The following KIF21A variants were observed in gnomAD, a reference collection of about 807,000 sequenced individuals.
KIF21A encodes the protein kinesin family member 21A, also known as kinesin-like protein KIF21A.
A neutral mutation model predicts 202.9 loss-of-function variants in KIF21A; 114 were observed. The ratio of observed to expected loss-of-function variants is 0.56; its 90% CI spans 0.48 to 0.66. The LOEUF (loss-of-function observed/expected upper bound fraction) is 0.66, where lower values mean the gene tolerates loss of function less well. KIF21A is among the 30% of genes least tolerant of loss of function. KIF21A has a pLI of 0.00. For missense variants in KIF21A, 1,677 were observed against 1,994.9 expected, an observed-to-expected ratio of 0.84 and a Z score of 3.04; for synonymous variants, 667 against 670.8, an observed-to-expected ratio of 0.99 and a Z score of 0.09.
chr12:39,438,206 C>A (rs1401793611), intron 1 of KIF21A, among the ~76,000 whole-genome samples: 7 of 152,014 alleles, frequency 4.6e-5, no homozygotes, highest in Non-Finnish European at 1.0e-4. Flanking sequence ...TGTATTATAA[C>A]CAGAATGGGA....
At chr12:39,310,704 A>G (rs1159086031) in intron 32 of KIF21A, among the ~76,000 whole-genome samples, 1 of 151,856 alleles carries the variant, frequency 6.6e-6, no homozygotes, top group East Asian at 1.9e-4. Flanking sequence ...TTCCTAAATG[A>G]CTCCTTGTCA....
In KIF21A at chr12:39,357,234, C is replaced by G; in HGVS notation, c.1405+14G>C. ...AGAAGTTAATCCCTCACTTATCCCA[C>G]CCTACCCACATACCTGCTCTGGCAA... On this transcript the variant is annotated intron_variant, in intron 9 of 37. Coordinates refer to ENST00000361418, the MANE Select transcript of KIF21A (RefSeq NM_001173464.2). 1 of 1,613,312 alleles carries G rather than the reference C, an allele frequency of 6.2e-7. No individual in the cohort carries two copies. Among genetic ancestry groups the G allele is most frequent in the Middle Eastern group, 1.7e-4 (1 of 6,060 alleles).
At chr12:39,333,324 T>G (rs765450513) in intron 17 of KIF21A, 44 bp from the exon 18 acceptor site, 1 of 1,320,952 alleles carries the variant, frequency 7.6e-7, no homozygotes, top group South Asian at 1.2e-5. Context: ...AAGTGAAAGA[T>G]ACAATATTTC....
At chr12:39,333,779 A>T (rs1946709882) in intron 17 of KIF21A, among the ~76,000 whole-genome samples, 1 of 152,156 alleles carries the variant, frequency 6.6e-6, no homozygotes, top group Non-Finnish European at 1.5e-5. Context: ...GGATAAAGTA[A>T]ATGGACAATA....
At chr12:39,297,369 A>C (rs994578885) in intron 37 of KIF21A, among the ~76,000 whole-genome samples, 3 of 152,174 alleles carry the variant, frequency 2.0e-5, no homozygotes, top group African/African-American at 7.2e-5. Context: ...TGGATTAAGA[A>C]AATGTCGCAC....
In KIF21A at chr12:39,319,950, C is replaced by G; in HGVS notation, c.3735G>C (p.Lys1245Asn). The change falls in exon 28 of 38, where the codon AAG becomes AAC. Residue 1245 changes from lysine to asparagine, a missense_variant. Lys to Asn is a moderately conservative substitution (Grantham distance 94). Around this residue, in one of 3 missense-constraint regions of KIF21A, gnomAD observed 705 missense variants for 791.9 expected, o/e 0.89. Coordinates refer to ENST00000361418, the MANE Select transcript of KIF21A (RefSeq NM_001173464.2). ...TTGATTTTTCTGCTTTCTCATATGC[C>G]TTTCTCCTTGTTACAGGAGAAGGCT... ...IPEPSPVTRR[K>N]AYEKAEKSKA... 1 of 1,609,524 alleles carries G rather than the reference C, an allele frequency of 6.2e-7. No homozygotes were observed. The highest frequency in any genetic ancestry group is 8.5e-7 in the Non-Finnish European group (1 of 1,177,114).
Position 39,424,788 on chromosome 12 carries a change from C to T in KIF21A, c.44+18139G>A, listed in dbSNP as rs189533066. On this transcript the variant is annotated intron_variant, in intron 1 of 37. Coordinates refer to ENST00000361418, the MANE Select transcript of KIF21A (RefSeq NM_001173464.2). ...ACATAATAACTGCTTTCTCACTCATCTCCTACATTTTCACCTCTTATAATA... is the reference window on the plus strand; with the variant it reads ...ACATAATAACTGCTTTCTCACTCATTTCCTACATTTTCACCTCTTATAATA... Among the ~76,000 whole-genome samples the T allele has an allele frequency of 9.2e-5, 14 of 152,276 alleles. No homozygotes were observed. In the East Asian group the frequency reaches 2.3e-3, roughly 25 times the overall value.
chr12:39,321,821 C>A (rs1282563744), intron 27 of KIF21A: 1 of 152,142 alleles, frequency 6.6e-6, no homozygotes, highest in Non-Finnish European at 1.5e-5. Context: ...CATAAATTAT[C>A]TGCTAGATCA....
chr12:39,387,553 T>C (rs1013517805), intron 1 of KIF21A, among the ~76,000 whole-genome samples: 5 of 152,228 alleles, frequency 3.3e-5, no homozygotes, highest in African/African-American at 1.2e-4. Context: ...CTAGGTTTCC[T>C]ATCTTCCCCT....
intron 6 of KIF21A, among the ~76,000 whole-genome samples, chr12:39,364,938 G>A (rs1949497851): frequency 6.6e-6 from 1 of 152,150 alleles, no homozygotes; most frequent in Admixed American, 6.5e-5. Context: ...TAGAGACCAC[G>A]AGATTCCCAG....
rs1440604335 is a variant in KIF21A, at chr12:39,311,724, A to G, written c.3960-171T>C. 6.0e-6 allele frequency: 4 copies of G among 661,990 alleles called. No individual in the cohort carries two copies. The African/African-American group carries it at 7.2e-5, about 12-fold the overall frequency. 41.0% of individuals were successfully genotyped at this position (661,990 alleles called of 1,614,324 possible). On this transcript the variant is annotated intron_variant, in intron 31 of 37. Transcript: ENST00000361418. ...AAAGGACAAAGTGTGAAATAATAAT[A>G]GTGATGGAGTATATCAACTAATCAG...
chr12:39,314,747 G>C (rs1944354572), intron 31 of KIF21A, among the ~76,000 whole-genome samples: 2 of 151,752 alleles, frequency 1.3e-5, no homozygotes, highest in Non-Finnish European at 3.0e-5. Context: ...ATTCTGTCAT[G>C]TCAAAGGTTA....
chr12:39,415,523 C>CTGGGA (rs1953505090), intron 1 of KIF21A, among the ~76,000 whole-genome samples: 1 of 152,252 alleles, frequency 6.6e-6, no homozygotes, highest in African/African-American at 2.4e-5. Flanking sequence ...TCCCAAAGTG[C>CTGGGA]TGGGATTACA....
Position 39,396,568 on chromosome 12 carries a change from G to A in KIF21A, c.45-26307C>T, listed in dbSNP as rs73086894. Among the ~76,000 whole-genome samples, 1,250 of 152,218 alleles carry A rather than the reference G, an allele frequency of 8.2e-3. 11 individuals carry two copies. The highest frequency in any genetic ancestry group is 0.014 in the Non-Finnish European group (971 of 68,020). ...GTTAAGAAATAGAGTAATTATATGGGTACACACGTATATATACTTGCGCAC... is the reference window on the plus strand; with the variant it reads ...GTTAAGAAATAGAGTAATTATATGGATACACACGTATATATACTTGCGCAC... On this transcript the variant is annotated intron_variant, in intron 1 of 37. Coordinates refer to ENST00000361418, the MANE Select transcript of KIF21A (RefSeq NM_001173464.2).
intron 24 of KIF21A, 38 bp from the exon 25 acceptor site, chr12:39,326,362 T>C: frequency 1.4e-6 from 2 of 1,429,594 alleles, no homozygotes; most frequent in Non-Finnish European, 2.0e-6. Flanking sequence ...ATTATCCCCA[T>C]GTCACAGTTT....
chr12:39,397,107 G>A (rs567952979), intron 1 of KIF21A, among the ~76,000 whole-genome samples: 9 of 152,318 alleles, frequency 5.9e-5, no homozygotes, highest in Non-Finnish European at 1.2e-4. Flanking sequence ...AAACTGGATT[G>A]TGATGATGGT....
intron 34 of KIF21A, among the ~76,000 whole-genome samples, chr12:39,305,228 T>C (rs976380730): frequency 2.0e-5 from 3 of 151,710 alleles, no homozygotes; most frequent in Admixed American, 6.6e-5. Context: ...TAGCCGGATG[T>C]GGTGGTGGGT....
intron 1 of KIF21A, among the ~76,000 whole-genome samples, chr12:39,384,178 C>A (rs1950793925): frequency 6.6e-6 from 1 of 151,950 alleles, no homozygotes. Flanking sequence ...ATAAATCAAC[C>A]AAAGAAATGT....
chr12:39,317,234 C>T (rs1217564033), intron 29 of KIF21A, among the ~76,000 whole-genome samples: 1 of 152,032 alleles, frequency 6.6e-6, no homozygotes, highest in Non-Finnish European at 1.5e-5. Context: ...GTATGATTCT[C>T]TAAGTTTATA....
Sources: gnomAD v4.1 joint callset for allele counts (sites outside exome capture counted in the v4.1 genomes callset) on GRCh38, gnomAD v4.1.1 for gene constraint, gnomAD v4.1.1 regional missense constraint, MANE v1.5 for transcripts, NCBI Gene and HGNC (gene_info 2026-07-23, HGNC 2026-07-21) for gene names.